The following CREB5 variants were observed in gnomAD, a reference collection of about 807,000 sequenced individuals.
CREB5 encodes the protein cyclic AMP-responsive element-binding protein 5.
Under a neutral mutation model 57.1 loss-of-function variants are expected in CREB5, and 19 were observed. That is an observed-to-expected ratio of 0.33 (90% confidence interval 0.23 to 0.49). The LOEUF is 0.49. CREB5 is among the 20% of genes least tolerant of loss of function. CREB5 has a pLI of 0.99. For synonymous variants in CREB5, 238 were observed against 238.3 expected (o/e 1.00, Z 0.01); for missense variants, 579 against 671.6 (o/e 0.86, Z 1.52).
chr7:28,429,395 T>C (rs1443869906), intron 1 of CREB5, among the ~76,000 whole-genome samples: 1 of 152,212 alleles, frequency 6.6e-6, no homozygotes, highest in Non-Finnish European at 1.5e-5. Flanking sequence ...GCATATTTTG[T>C]TCATCACCAT....
intron 5 of CREB5, among the ~76,000 whole-genome samples, chr7:28,607,630 T>C (rs141407251): frequency 1.2e-3 from 177 of 152,242 alleles, no homozygotes; most frequent in African/African-American, 4.1e-3. Flanking sequence ...ACTCTGGAAG[T>C]GTAGTGCATT....
chr7:28,785,504 G>T (rs537909970), intron 7 of CREB5, among the ~76,000 whole-genome samples: 3 of 152,172 alleles, frequency 2.0e-5, no homozygotes, highest in Admixed American at 2.0e-4. Context: ...GGGATAAAGC[G>T]ATGGTTGTTC....
chr7:28,785,744 G>T (rs111683109), intron 7 of CREB5, among the ~76,000 whole-genome samples: 4 of 152,180 alleles, frequency 2.6e-5, no homozygotes, highest in African/African-American at 9.7e-5. Context: ...GTGGGAGTGG[G>T]TCAGTGGAGA....
intron 5 of CREB5, among the ~76,000 whole-genome samples, chr7:28,576,088 C>T (rs1795899231): frequency 6.6e-6 from 1 of 152,152 alleles, no homozygotes; most frequent in Admixed American, 6.5e-5. Flanking sequence ...CGAATCTGGT[C>T]CTTGCCTCTG....
chr7:28,657,717 G>GAAAAAAAA (rs59307921), intron 5 of CREB5, among the ~76,000 whole-genome samples: 15 of 54,032 alleles, frequency 2.8e-4, no homozygotes, highest in East Asian at 1.5e-3. Flanking sequence ...ACTCTCTCTC[G>GAAAAAAAA]AAAAAAAAAA....
In CREB5 at chr7:28,732,847, T is replaced by TTTTTG. The variant is rs201299068; in HGVS notation, c.702+8519_702+8520insGTTTT. Among the ~76,000 whole-genome samples the TTTTTG allele has an allele frequency of 3.6e-3, 547 of 151,616 alleles. 3 individuals carry two copies. The highest frequency in any genetic ancestry group is 0.013 in the African/African-American group (525 of 41,396). The stretch of plus-strand genomic sequence containing the variant: ...TTTTCCTAAAGGTTTAGGGTTGTTT[T>TTTTTG]TTTTTTTTTCTTAAAACCCAAGAAT... On this transcript the variant is annotated intron_variant, in intron 7 of 10. Coordinates refer to ENST00000357727, the MANE Select transcript of CREB5 (RefSeq NM_182898.4).
At chr7:28,352,177 G>A (rs577871991) in intron 1 of CREB5, among the ~76,000 whole-genome samples, 1 of 152,302 alleles carries the variant, frequency 6.6e-6, no homozygotes, top group East Asian at 1.9e-4. Context: ...GACAATGATG[G>A]AAATTAGTGA....
chr7:28,571,698 A>G (rs984880317), intron 5 of CREB5, among the ~76,000 whole-genome samples: 1 of 152,232 alleles, frequency 6.6e-6, no homozygotes, highest in East Asian at 1.9e-4. Flanking sequence ...TCAGAAACGC[A>G]GAATCTCTGG....
chr7:28,625,994 C>A (rs900367099), intron 5 of CREB5, among the ~76,000 whole-genome samples: 1 of 152,138 alleles, frequency 6.6e-6, no homozygotes, highest in African/African-American at 2.4e-5. Context: ...ATTTCTTACA[C>A]CCTCTGGGAA....
At chr7:28,353,567 G>C (rs1385184707) in intron 1 of CREB5, among the ~76,000 whole-genome samples, 1 of 152,168 alleles carries the variant, frequency 6.6e-6, no homozygotes, top group African/African-American at 2.4e-5. Flanking sequence ...AACGGGTCCA[G>C]GCGCGGTGGC....
intron 7 of CREB5, among the ~76,000 whole-genome samples, chr7:28,790,433 AG>A (rs1562642870): frequency 2.3e-3 from 142 of 62,180 alleles, no homozygotes; most frequent in African/African-American, 0.014. Flanking sequence ...AAAGAAAGAG[AG>A]AGAGAGAGAG....
At chr7:28,819,074 T>C (rs777959334) in intron 10 of CREB5, 42 bp from the exon 11 acceptor site, 11 of 1,576,072 alleles carry the variant, frequency 7.0e-6, no homozygotes, top group Non-Finnish European at 8.6e-7. Context: ...CCTATATTGG[T>C]GTGTGTGTAT....
chr7:28,485,519 AAAC>A (rs1248841064), intron 1 of CREB5, among the ~76,000 whole-genome samples: 1 of 152,148 alleles, frequency 6.6e-6, no homozygotes, highest in African/African-American at 2.4e-5. Flanking sequence ...AAAACCCTCC[AAAC>A]AACACACAAA....
intron 4 of CREB5, among the ~76,000 whole-genome samples, chr7:28,552,307 G>C (rs568825704): frequency 6.6e-6 from 1 of 152,192 alleles, no homozygotes; most frequent in African/African-American, 2.4e-5. Context: ...AAAAGTGCTG[G>C]AATTACAGGC....
At chr7:28,772,413 A>G (rs1308320800) in intron 7 of CREB5, among the ~76,000 whole-genome samples, 1 of 152,132 alleles carries the variant, frequency 6.6e-6, no homozygotes, top group Non-Finnish European at 1.5e-5. Flanking sequence ...ACTCACTACC[A>G]AAGGCTGGGA....
At chr7:28,434,208 C>T (rs1788846078) in intron 1 of CREB5, among the ~76,000 whole-genome samples, 1 of 152,152 alleles carries the variant, frequency 6.6e-6, no homozygotes, top group Non-Finnish European at 1.5e-5. Context: ...CTCCTCATCT[C>T]AGCTCCATCT....
intron 5 of CREB5, among the ~76,000 whole-genome samples, chr7:28,711,135 T>C (rs1802381082): frequency 6.6e-6 from 1 of 152,334 alleles, no homozygotes; most frequent in East Asian, 1.9e-4. Context: ...GAGGTGGGCT[T>C]ACTGGTCTCC....
intron 4 of CREB5, among the ~76,000 whole-genome samples, chr7:28,561,001 T>TGCGTGCGC (rs1268541355): frequency 7.9e-5 from 2 of 25,278 alleles, no homozygotes; most frequent in East Asian, 7.7e-4. Flanking sequence ...TGTGCCTGCG[T>TGCGTGCGC]GTGCGTGTGT....
chr7:28,335,862 T>C (rs1182654941), intron 1 of CREB5, among the ~76,000 whole-genome samples: 1 of 151,964 alleles, frequency 6.6e-6, no homozygotes, highest in Non-Finnish European at 1.5e-5. Context: ...TTTTATTATG[T>C]TATGTTCCGT....
Sources: gnomAD v4.1 joint callset for allele counts (sites outside exome capture counted in the v4.1 genomes callset) on GRCh38, gnomAD v4.1.1 for gene constraint, MANE v1.5 for transcripts, NCBI Gene and HGNC (gene_info 2026-07-23, HGNC 2026-07-21) for gene names.